The following KAT6B variants were observed in gnomAD, a reference collection of about 807,000 sequenced individuals.
KAT6B encodes lysine acetyltransferase 6B, also known as histone acetyltransferase KAT6B.
In KAT6B, 10 loss-of-function variants were observed where a neutral mutation model predicts 187.5. That is an observed-to-expected ratio of 0.05 (90% CI 0.03 to 0.09). The LOEUF is 0.09. Ranked by LOEUF, KAT6B falls within the 10% of genes least tolerant of loss-of-function variation. The pLI, the probability that KAT6B is intolerant of heterozygous loss-of-function variation, is 1.00. For missense variants in KAT6B, 1,952 were observed against 2,558.9 expected, an observed-to-expected ratio of 0.76 and a Z score of 5.12; for synonymous variants, 861 against 926.8, an observed-to-expected ratio of 0.93 and a Z score of 1.29.
chr10:75,000,508 A>C (rs1355593560), intron 13 of KAT6B, among the ~76,000 whole-genome samples: 1 of 152,126 alleles, frequency 6.6e-6, no homozygotes, highest in Non-Finnish European at 1.5e-5. Flanking sequence ...TCGGGGGCAG[A>C]CGGACGTGTA....
chr10:74,880,529 C>T (rs1410930434), intron 3 of KAT6B, among the ~76,000 whole-genome samples: 1 of 152,152 alleles, frequency 6.6e-6, no homozygotes, highest in Admixed American at 6.6e-5. Flanking sequence ...GTACTATGAA[C>T]ATTTGTGTAC....
chr10:74,954,710 T>C (rs1840551769), intron 3 of KAT6B, among the ~76,000 whole-genome samples: 2 of 152,216 alleles, frequency 1.3e-5, no homozygotes, highest in South Asian at 4.1e-4. Context: ...GTTTGAATCA[T>C]GATCAAGATA....
chr10:74,843,376 G>A lies in KAT6B; in HGVS notation c.519G>A (p.Arg173=), dbSNP rs374557982. 65 of 1,613,676 alleles carry A rather than the reference G, an allele frequency of 4.0e-5. No homozygotes were observed. The highest frequency in any genetic ancestry group is 6.7e-5 in the Admixed American group (4 of 59,968). ...TACTGAAAGACGGACCGCAGTACAG[G>A]GTCAATTATGGGAGCTTAGATGGCA... The part of the protein sequence containing the change: ...GRLLKDGPQY[R]VNYGSLDGKG... The change falls in exon 3 of 18, where the codon AGG becomes AGA. Residue 173 remains arginine, a synonymous_variant. Transcript: ENST00000287239.
rs1451982133 is a variant in KAT6B, at chr10:74,977,506, C to G, written c.2115+69C>G. Reference sequence around the variant, plus strand: ...GCTTCTAACTATTAATATGGAATTACTGTGTTGATTTTATAGAGAATCCCT... The same window carrying G: ...GCTTCTAACTATTAATATGGAATTAGTGTGTTGATTTTATAGAGAATCCCT... On this transcript the variant is annotated intron_variant, in intron 9 of 17. Coordinates refer to ENST00000287239, the MANE Select transcript of KAT6B (RefSeq NM_012330.4). 4.4e-5 allele frequency: 68 copies of G among 1,562,706 alleles called. 1 individual carries two copies. The highest frequency in any genetic ancestry group is 6.0e-5 in the Non-Finnish European group (68 of 1,136,150).
intron 1 of KAT6B, chr10:74,827,245 G>T (rs953285643): frequency 2.0e-5 from 3 of 153,352 alleles, no homozygotes; most frequent in Non-Finnish European, 4.4e-5. Context: ...GAAGTGGAAG[G>T]CGGACCGAGG....
intron 3 of KAT6B, among the ~76,000 whole-genome samples, chr10:74,888,462 A>G (rs1382121194): frequency 6.6e-6 from 1 of 152,228 alleles, no homozygotes; most frequent in African/African-American, 2.4e-5. Context: ...AAAGGGAACA[A>G]ATGGCCAATA....
At chr10:74,971,037 C>T (rs917109174) in intron 6 of KAT6B, among the ~76,000 whole-genome samples, 6 of 152,104 alleles carry the variant, frequency 3.9e-5, no homozygotes, top group African/African-American at 1.2e-4. Flanking sequence ...CTGGGTGGTG[C>T]GTGTGTGCTC....
chr10:74,935,414 G>A (rs140134858), intron 3 of KAT6B, among the ~76,000 whole-genome samples: 3,161 of 150,164 alleles, frequency 0.021, 94 homozygotes, highest in African/African-American at 0.066. Context: ...ACAGAGTCTC[G>A]CTATGATGCC....
Position 75,024,809 on chromosome 10 carries a change from C to T in KAT6B, c.3373-149C>T, listed in dbSNP as rs117014352. On this transcript the variant is annotated intron_variant, in intron 16 of 17. Coordinates refer to ENST00000287239, the MANE Select transcript of KAT6B (RefSeq NM_012330.4). ...GTTGGAGCCCGAGAGGGATGTTAGA[C>T]ATCAAATGGAAGGTTAAGTACAAAG... 0.013 allele frequency: 9,436 copies of T among 735,144 alleles called. 96 individuals are homozygous for T. The highest frequency in any genetic ancestry group is 0.016 in the Non-Finnish European group (6,850 of 415,778). The allele number at this position is 735,144 out of a possible 1,614,324, so 45.5% of individuals were successfully genotyped here.
Position 74,842,702 on chromosome 10 carries a change from T to A in KAT6B, c.-156T>A. On this transcript the variant is annotated 5_prime_UTR_variant, in exon 3 of 18. Coordinates refer to ENST00000287239, the MANE Select transcript of KAT6B (RefSeq NM_012330.4). ...TTGCCTGTTTGTCTGCTTTTGAATC[T>A]CTTAAGGATGGATGTTTGTAAGATG... 1 of 814,536 alleles carries A rather than the reference T, an allele frequency of 1.2e-6. No homozygotes were observed. Among genetic ancestry groups the A allele is most frequent in the Non-Finnish European group, 2.0e-6 (1 of 496,986 alleles). 50.5% of individuals were successfully genotyped at this position (814,536 alleles called of 1,614,324 possible). A position where few individuals can be genotyped will look rare whatever the true frequency, so the allele number is the denominator to read the frequency against.
intron 5 of KAT6B, 83 bp from the exon 6 acceptor site, chr10:74,969,936 TA>T: frequency 1.9e-6 from 2 of 1,069,906 alleles, no homozygotes; most frequent in Non-Finnish European, 2.9e-6. Context: ...TATATTGTAT[TA>T]ATGTTAATCC....
At position 74,826,688 on chromosome 10, in the gene KAT6B, G is replaced by T; in HGVS notation, c.-426G>T. On this transcript the variant is annotated 5_prime_UTR_variant, in exon 1 of 18. Coordinates refer to ENST00000287239, the MANE Select transcript of KAT6B (RefSeq NM_012330.4). ...TCCTACCCCTGGCGGCGGCGGCAGC[G>T]GTGGCGGAGGCGACGGCACCTCCTC... The T allele has an allele frequency of 6.5e-6, 1 of 153,790 alleles. No homozygotes were observed. Among genetic ancestry groups the T allele is most frequent in the South Asian group, 1.7e-4 (1 of 5,734 alleles). The allele number at this position is 153,790 out of a possible 1,614,324, so 9.5% of individuals were successfully genotyped here. A position where few individuals can be genotyped will look rare whatever the true frequency, so the allele number is the denominator to read the frequency against.
At chr10:74,983,648 G>A (rs562291483) in intron 11 of KAT6B, 1 of 152,314 alleles carries the variant, frequency 6.6e-6, no homozygotes, top group Admixed American at 6.5e-5. Flanking sequence ...TAAATCCATG[G>A]AACGTCTTCT....
intron 3 of KAT6B, among the ~76,000 whole-genome samples, chr10:74,845,544 A>C (rs1267419462): frequency 6.6e-6 from 1 of 150,860 alleles, no homozygotes; most frequent in African/African-American, 2.4e-5. Context: ...AAAAACAAAA[A>C]AAAAAAGAAG....
chr10:74,915,353 C>T (rs1369890911), intron 3 of KAT6B, among the ~76,000 whole-genome samples: 3 of 152,134 alleles, frequency 2.0e-5, no homozygotes, highest in African/African-American at 7.2e-5. Context: ...ATGTTCCATG[C>T]ACTTGTAGAT....
At chr10:74,996,157 CT>C (rs1843418875) in intron 13 of KAT6B, among the ~76,000 whole-genome samples, 2 of 152,150 alleles carry the variant, frequency 1.3e-5, no homozygotes, top group South Asian at 4.1e-4. Flanking sequence ...CATTTTTTAC[CT>C]CTTTACTTTA....
intron 3 of KAT6B, among the ~76,000 whole-genome samples, chr10:74,898,644 A>G (rs1163272262): frequency 6.6e-6 from 1 of 152,128 alleles, no homozygotes; most frequent in Non-Finnish European, 1.5e-5. Flanking sequence ...TTATTTTCAC[A>G]AGGCCAGTCA....
intron 3 of KAT6B, among the ~76,000 whole-genome samples, chr10:74,958,810 C>T (rs984156254): frequency 4.0e-5 from 6 of 151,850 alleles, no homozygotes; most frequent in East Asian, 1.9e-4. Context: ...GAGGCTGAGG[C>T]GGGCGGATCA....
chr10:75,017,491 G>A (rs961719078), intron 13 of KAT6B, among the ~76,000 whole-genome samples: 3 of 152,126 alleles, frequency 2.0e-5, no homozygotes, highest in Non-Finnish European at 2.9e-5. Flanking sequence ...ACTGGCGCCT[G>A]TAATCCCAGC....
Sources: gnomAD v4.1 joint callset for allele counts (sites outside exome capture counted in the v4.1 genomes callset) on GRCh38, gnomAD v4.1.1 for gene constraint, MANE v1.5 for transcripts, NCBI Gene and HGNC (gene_info 2026-07-23, HGNC 2026-07-21) for gene names.